TANC1: variants seen among roughly 807,000 people sequenced by gnomAD.
TANC1 encodes tetratricopeptide repeat, ankyrin repeat and coiled-coil containing 1.
In TANC1, 77 loss-of-function variants were observed where a neutral mutation model predicts 149.7. That is an observed-to-expected ratio of 0.51 (90% confidence interval 0.43 to 0.62). The LOEUF (loss-of-function observed/expected upper bound fraction) is 0.62. Among genes scored for constraint, TANC1 ranks in the 20% least tolerant of loss-of-function variants. The pLI is 0.00. For synonymous variants in TANC1, 854 were observed against 925.0 expected, an observed-to-expected ratio of 0.92 and a Z score of 1.39; for missense variants, 1,985 against 2,321.8, an observed-to-expected ratio of 0.85 and a Z score of 2.98.
At chr2:159,069,090 G>A (rs1374172065) in intron 3 of TANC1, among the ~76,000 whole-genome samples, 2 of 152,110 alleles carry the variant, frequency 1.3e-5, no homozygotes, top group Non-Finnish European at 2.9e-5. Flanking sequence ...GAAAATCATC[G>A]AGTAAACTCA....
chr2:158,993,844 C>T (rs933924790), intron 1 of TANC1, among the ~76,000 whole-genome samples: 2 of 152,086 alleles, frequency 1.3e-5, no homozygotes, highest in East Asian at 3.9e-4. Context: ...ACCTTTTGTC[C>T]TGAATTGCCT....
chr2:158,988,678 A>G (rs539301086), intron 1 of TANC1, among the ~76,000 whole-genome samples: 94 of 152,248 alleles, frequency 6.2e-4, no homozygotes, highest in Non-Finnish European at 1.1e-3. Context: ...ACAGGAGCCA[A>G]TTGAGCCCCC....
At chr2:159,078,911 A>C (rs2043964547) in intron 3 of TANC1, among the ~76,000 whole-genome samples, 1 of 152,184 alleles carries the variant, frequency 6.6e-6, no homozygotes, top group South Asian at 2.1e-4. Flanking sequence ...ATGAGGGTTA[A>C]ATATTTTTTT....
chr2:158,987,484 C>T (rs1444071452), intron 1 of TANC1, among the ~76,000 whole-genome samples: 2 of 152,076 alleles, frequency 1.3e-5, no homozygotes, highest in African/African-American at 4.8e-5. Context: ...GCTATGATCA[C>T]GCCACTGCAC....
At chr2:159,165,549 T>C (rs1197914569) in intron 8 of TANC1, among the ~76,000 whole-genome samples, 1 of 152,198 alleles carries the variant, frequency 6.6e-6, no homozygotes, top group Non-Finnish European at 1.5e-5. Context: ...TGAATCTCAG[T>C]TAAGAGGAAA....
intron 10 of TANC1, among the ~76,000 whole-genome samples, chr2:159,171,398 G>A (rs571875200): frequency 3.5e-4 from 53 of 152,292 alleles, no homozygotes; most frequent in South Asian, 2.3e-3. Flanking sequence ...TTGGAAGGCC[G>A]AGGTGGGAGG....
chr2:159,086,762 C>G (rs2044909639), intron 3 of TANC1, among the ~76,000 whole-genome samples: 2 of 152,166 alleles, frequency 1.3e-5, no homozygotes, highest in Admixed American at 1.3e-4. Flanking sequence ...CTTCCACTCC[C>G]TTCAAAATAA....
chr2:159,115,639 G>C (rs1490302037), intron 4 of TANC1, among the ~76,000 whole-genome samples: 3 of 152,106 alleles, frequency 2.0e-5, no homozygotes, highest in African/African-American at 7.2e-5. Context: ...ACGGTCCGGA[G>C]AGCTGAGAGA....
intron 1 of TANC1, among the ~76,000 whole-genome samples, chr2:158,969,336 G>A (rs748853541): frequency 1.6e-4 from 25 of 152,248 alleles, no homozygotes; most frequent in Non-Finnish European, 2.5e-4. Context: ...GCATGGTATT[G>A]CCCCAGTCTG....
At chr2:159,120,005 C>G (rs1229531123) in intron 4 of TANC1, among the ~76,000 whole-genome samples, 1 of 152,212 alleles carries the variant, frequency 6.6e-6, no homozygotes, top group Admixed American at 6.5e-5. Flanking sequence ...TTCTTTCAGT[C>G]TCAGGTGCAG....
At chr2:158,985,545 G>A (rs762307047) in intron 1 of TANC1, among the ~76,000 whole-genome samples, 29 of 152,204 alleles carry the variant, frequency 1.9e-4, no homozygotes, top group Non-Finnish European at 1.5e-4. Flanking sequence ...AGGTGGACTG[G>A]TTAACCTCAG....
chr2:159,033,603 T>C (rs1205272765), intron 2 of TANC1, among the ~76,000 whole-genome samples: 2 of 152,162 alleles, frequency 1.3e-5, no homozygotes, highest in Admixed American at 1.3e-4. Context: ...GGGGAAGCCA[T>C]CCAGACTCAA....
intron 4 of TANC1, among the ~76,000 whole-genome samples, chr2:159,126,447 C>A (rs2049464420): frequency 6.6e-6 from 1 of 152,168 alleles, no homozygotes; most frequent in African/African-American, 2.4e-5. Context: ...CATTTCCAGT[C>A]AACTCCCTTA....
At chr2:159,093,765 G>A (rs1474194138) in intron 3 of TANC1, among the ~76,000 whole-genome samples, 2 of 149,024 alleles carry the variant, frequency 1.3e-5, no homozygotes, top group East Asian at 2.0e-4. Context: ...CTTAAGCCTC[G>A]TTTTATTGCA....
At chr2:158,992,983 G>A (rs1261887992) in intron 1 of TANC1, among the ~76,000 whole-genome samples, 1 of 151,708 alleles carries the variant, frequency 6.6e-6, no homozygotes, top group East Asian at 1.9e-4. Flanking sequence ...CTGCCTTCAT[G>A]CTCATCTCTT....
intron 4 of TANC1, among the ~76,000 whole-genome samples, chr2:159,113,429 A>G (rs1449412368): frequency 6.6e-6 from 1 of 152,208 alleles, no homozygotes; most frequent in Non-Finnish European, 1.5e-5. Flanking sequence ...TGTCTCTAAT[A>G]GTTGGTTTCC....
intron 16 of TANC1, among the ~76,000 whole-genome samples, chr2:159,192,045 C>T (rs553270268): frequency 6.6e-6 from 1 of 152,054 alleles, no homozygotes; most frequent in African/African-American, 2.4e-5. Context: ...ATTATTATAC[C>T]TAAAATTTGC....
Position 159,224,398 on chromosome 2 carries a change from G to T in TANC1, c.3811+34G>T, listed in dbSNP as rs372193918. 4.3e-6 allele frequency: 7 copies of T among 1,613,582 alleles called. No individual in the cohort carries two copies. In the East Asian group the frequency reaches 1.6e-4, roughly 36 times the overall value. On this transcript the variant is annotated intron_variant, in intron 23 of 26. Coordinates refer to ENST00000263635, the MANE Select transcript of TANC1 (RefSeq NM_033394.3). ...GCACTGCCTCCATTGAGCAGGAGGA[G>T]CGGTGAGCTCCCGATTGTAGAAGCC...
intron 2 of TANC1, among the ~76,000 whole-genome samples, chr2:159,010,629 T>C (rs954065941): frequency 1.3e-5 from 2 of 151,936 alleles, no homozygotes; most frequent in African/African-American, 4.8e-5. Flanking sequence ...GTGGCTCTAG[T>C]TTACAGATTC....
Sources: gnomAD v4.1 joint callset for allele counts (sites outside exome capture counted in the v4.1 genomes callset) on GRCh38, gnomAD v4.1.1 for gene constraint, MANE v1.5 for transcripts, NCBI Gene and HGNC (gene_info 2026-07-23, HGNC 2026-07-21) for gene names.